The following NFATC3 variants were observed in gnomAD, a reference collection of about 807,000 sequenced individuals.
NFATC3 encodes nuclear factor of activated T cells 3, also known as nuclear factor of activated T-cells, cytoplasmic 3.
Under a neutral mutation model 98.6 loss-of-function variants are expected in NFATC3, and 46 were observed. That is an observed-to-expected ratio of 0.47 (90% CI 0.37 to 0.60). The LOEUF (loss-of-function observed/expected upper bound fraction) is 0.60, where lower values mean the gene tolerates loss of function less well. Ranked by LOEUF, NFATC3 falls within the 20% of genes least tolerant of loss-of-function variation. The pLI is 0.00. For synonymous variants in NFATC3, 512 were observed against 472.2 expected (o/e 1.08, Z -1.09); for missense variants, 1,256 against 1,295.5 (o/e 0.97, Z 0.47).
intron 1 of NFATC3, among the ~76,000 whole-genome samples, chr16:68,117,593 C>T (rs1160503648): frequency 1.3e-5 from 2 of 152,136 alleles, no homozygotes; most frequent in East Asian, 1.9e-4. Flanking sequence ...CAGCAACCTC[C>T]GAATCTCAGG....
At chr16:68,120,632 A>G (rs1317914166) in intron 1 of NFATC3, among the ~76,000 whole-genome samples, 3 of 151,292 alleles carry the variant, frequency 2.0e-5, no homozygotes, top group Non-Finnish European at 4.4e-5. Flanking sequence ...AGTCCCAGCT[A>G]CTCAGGAGAC....
chr16:68,205,656 G>A lies in NFATC3; in HGVS notation c.3106+13881G>A, dbSNP rs530873083. On this transcript the variant is annotated intron_variant, in intron 9 of 9. Coordinates refer to ENST00000346183, the MANE Select transcript of NFATC3 (RefSeq NM_173165.3). ...TCCATTGTCCTCTGTAGGGAGAATT[G>A]GAGTTACTAGTTTCTTGGCTGTCAT... Among the ~76,000 whole-genome samples, 46 of 152,226 alleles carry A rather than the reference G, an allele frequency of 3.0e-4. No homozygotes were observed. In the South Asian group the frequency reaches 9.3e-3, roughly 31 times the overall value.
At chr16:68,214,492 T>C (rs2041552964) in intron 9 of NFATC3, 5 of 1,408,948 alleles carry the variant, frequency 3.5e-6, no homozygotes, top group Non-Finnish European at 5.0e-6. Flanking sequence ...TTGCATGCAG[T>C]GGCTGGATTT....
chr16:68,167,319 A>G (rs974246678), intron 5 of NFATC3, among the ~76,000 whole-genome samples: 5 of 152,230 alleles, frequency 3.3e-5, no homozygotes, highest in African/African-American at 1.2e-4. Context: ...TGAGGACCAA[A>G]TCATGAAGCT....
rs1310944407 is a variant in NFATC3, at chr16:68,158,085, C to T, written c.1601+17C>T. Reference sequence around the variant, plus strand: ...GTCAGCCAGGTATTTTGAAATATACCTAAAATGTGCAGTTCTTTTTTTCTC... The same window carrying T: ...GTCAGCCAGGTATTTTGAAATATACTTAAAATGTGCAGTTCTTTTTTTCTC... On this transcript the variant is annotated intron_variant, in intron 4 of 9. Transcript: ENST00000346183. 1 of 1,547,872 alleles carries T rather than the reference C, an allele frequency of 6.5e-7. No individual in the cohort carries two copies. The highest frequency in any genetic ancestry group is 1.4e-5 in the African/African-American group (1 of 73,226).
chr16:68,152,594 T>G (rs1363053549), intron 3 of NFATC3, among the ~76,000 whole-genome samples: 4 of 152,080 alleles, frequency 2.6e-5, no homozygotes, highest in African/African-American at 9.7e-5. Flanking sequence ...CACTGCAGCC[T>G]TGAACTGGCC....
At position 68,191,258 on chromosome 16, in the gene NFATC3, A is replaced by G. The variant is rs530656647; in HGVS notation, c.2589A>G (p.Gly863=). The part of the protein sequence containing the change: ...PFHSSNSGST[G]HLLAHTPHSV... ...ATTCTTCAAATTCAGGCTCAACAGG[A>G]CATCTCTTAGCCCATACACCTCATT... is the stretch of plus-strand genomic sequence containing the variant. The change falls in exon 9 of 10, where the codon GGA becomes GGG. Residue 863 remains glycine (G), a synonymous_variant. Transcript: ENST00000346183. The G allele has an allele frequency of 1.2e-6, 2 of 1,614,164 alleles. No individual in the cohort carries two copies. Among genetic ancestry groups the G allele is most frequent in the Non-Finnish European group, 1.7e-6 (2 of 1,180,036 alleles).
At chr16:68,124,246 C>T (rs1388629315) in intron 2 of NFATC3, among the ~76,000 whole-genome samples, 3 of 151,722 alleles carry the variant, frequency 2.0e-5, no homozygotes, top group Non-Finnish European at 2.9e-5. Flanking sequence ...GGACTATAGG[C>T]GTATACCACC....
chr16:68,210,478 AT>A (rs774995741), intron 9 of NFATC3, among the ~76,000 whole-genome samples: 7 of 150,284 alleles, frequency 4.7e-5, no homozygotes, highest in East Asian at 1.9e-4. Flanking sequence ...CTCAAAAAAA[AT>A]AAAAGAATTT....
At chr16:68,100,559 G>A (rs1408000054) in intron 1 of NFATC3, among the ~76,000 whole-genome samples, 1 of 151,626 alleles carries the variant, frequency 6.6e-6, no homozygotes, top group Non-Finnish European at 1.5e-5. Flanking sequence ...GAGCAACAGA[G>A]CAAGGCTCTG....
At chr16:68,110,092 C>T (rs1410306368) in intron 1 of NFATC3, among the ~76,000 whole-genome samples, 1 of 152,102 alleles carries the variant, frequency 6.6e-6, no homozygotes, top group Non-Finnish European at 1.5e-5. Flanking sequence ...GCAACCTCCA[C>T]CTCCTGGGTT....
chr16:68,092,489 C>T (rs150150806), intron 1 of NFATC3, among the ~76,000 whole-genome samples: 119 of 142,158 alleles, frequency 8.4e-4, no homozygotes, highest in African/African-American at 2.6e-3. Context: ...AGGCTGGGCA[C>T]GGTGGCTTAC....
At chr16:68,221,574 A>G (rs1366949912) in intron 9 of NFATC3, 2 of 1,108,546 alleles carry the variant, frequency 1.8e-6, no homozygotes, top group Non-Finnish European at 2.2e-6. Context: ...GATTCAGGGG[A>G]AAACAAGATA....
chr16:68,193,777 C>A (rs549863584), intron 9 of NFATC3, among the ~76,000 whole-genome samples: 3 of 152,296 alleles, frequency 2.0e-5, no homozygotes, highest in East Asian at 3.9e-4. Context: ...TGGACCCAGA[C>A]AGCTCAAAGC....
chr16:68,226,929 A>AAAAAG lies in NFATC3; in HGVS notation c.*468_*472dup, dbSNP rs1224910561. 3 of 143,246 alleles carry AAAAAG rather than the reference A, an allele frequency of 2.1e-5. No individual in the cohort carries two copies. The highest frequency in any genetic ancestry group is 7.4e-5 in the African/African-American group (3 of 40,584). 8.9% of individuals were successfully genotyped at this position (143,246 alleles called of 1,614,324 possible). A position where few individuals can be genotyped will look rare whatever the true frequency, so the allele number is the denominator to read the frequency against. On this transcript the variant is annotated 3_prime_UTR_variant, in exon 10 of 10. Coordinates refer to ENST00000346183, the MANE Select transcript of NFATC3 (RefSeq NM_173165.3). ...AAAAAAAAAAAAAAAAAAAAGAAAA[A>AAAAAG]AAAAGAAAAGAAAAAAAGAAAAAGA...
chr16:68,119,463 C>T (rs1478271695), intron 1 of NFATC3, among the ~76,000 whole-genome samples: 1 of 152,082 alleles, frequency 6.6e-6, no homozygotes, highest in African/African-American at 2.4e-5. Context: ...CTTGACTAGC[C>T]TCTCCCTGAC....
At chr16:68,138,406 T>C in intron 3 of NFATC3, 2 of 805,522 alleles carry the variant, frequency 2.5e-6, no homozygotes, top group Non-Finnish European at 3.4e-6. Context: ...GGATTAATCA[T>C]GGTAGCCTAA....
At chr16:68,102,061 T>A (rs1249609537) in intron 1 of NFATC3, among the ~76,000 whole-genome samples, 4 of 151,988 alleles carry the variant, frequency 2.6e-5, no homozygotes, top group Non-Finnish European at 4.4e-5. Context: ...GGAGGTAAAT[T>A]TTTGTGACCT....
intron 9 of NFATC3, among the ~76,000 whole-genome samples, chr16:68,218,472 G>A (rs1448115744): frequency 1.4e-5 from 2 of 141,200 alleles, no homozygotes; most frequent in African/African-American, 2.7e-5. Context: ...AGCCAAGATC[G>A]TGCCACTGCA....
Sources: allele counts gnomAD v4.1 joint callset (sites outside exome capture counted in the v4.1 genomes callset), GRCh38; gene constraint gnomAD v4.1.1; transcripts MANE v1.5; gene names NCBI Gene and HGNC (gene_info 2026-07-23, HGNC 2026-07-21).